MAP3K21: variants seen among roughly 807,000 people sequenced by gnomAD.
The protein encoded by MAP3K21 is mitogen-activated protein kinase kinase kinase 21.
Under a neutral mutation model 86.1 loss-of-function variants are expected in MAP3K21, and 63 were observed. The ratio of observed to expected loss-of-function variants is 0.73; its 90% CI spans 0.60 to 0.90. The LOEUF (loss-of-function observed/expected upper bound fraction) is 0.90, where lower values mean the gene tolerates loss of function less well. Ranked by LOEUF, MAP3K21 falls within the 40% of genes least tolerant of loss-of-function variation. MAP3K21 has a pLI of 0.00. For missense variants in MAP3K21, 1,220 were observed against 1,367.7 expected, an observed-to-expected ratio of 0.89 and a Z score of 1.70; for synonymous variants, 558 against 564.8, an observed-to-expected ratio of 0.99 and a Z score of 0.17.
chr1:233,348,864 C>G (rs1244791606), intron 2 of MAP3K21, among the ~76,000 whole-genome samples: 1 of 152,156 alleles, frequency 6.6e-6, no homozygotes, highest in African/African-American at 2.4e-5. Context: ...GCCTGGCTCT[C>G]AGATTCATGC....
intron 2 of MAP3K21, among the ~76,000 whole-genome samples, chr1:233,353,460 G>T (rs1417958654): frequency 6.6e-6 from 1 of 152,144 alleles, no homozygotes; most frequent in African/African-American, 2.4e-5. Context: ...AAATGAGATA[G>T]AAAGAGAAAC....
chr1:233,370,692 G>T (rs1449632841), intron 5 of MAP3K21, among the ~76,000 whole-genome samples: 1 of 152,164 alleles, frequency 6.6e-6, no homozygotes, highest in Non-Finnish European at 1.5e-5. Context: ...AATCGTTGAG[G>T]AATCAGGTAG....
Position 233,384,903 on chromosome 1 carries a change from A to T in MAP3K21, c.*2192A>T, listed in dbSNP as rs887177902. On this transcript the variant is annotated 3_prime_UTR_variant, in exon 10 of 10. Transcript: ENST00000366624. ...AGATAGTTAACTTTTGCTGCAATCT[A>T]TTGTACATTTGCAATTTTCTGTGTT... The T allele has an allele frequency of 2.0e-5, 3 of 152,184 alleles. No homozygotes were observed. Among genetic ancestry groups the T allele is most frequent in the Admixed American group, 1.3e-4 (2 of 15,272 alleles). The allele number at this position is 152,184 out of a possible 1,614,324, so 9.4% of individuals were successfully genotyped here.
chr1:233,367,217 G>A (rs574777099), intron 5 of MAP3K21, among the ~76,000 whole-genome samples: 2 of 152,324 alleles, frequency 1.3e-5, no homozygotes, highest in Admixed American at 6.5e-5. Flanking sequence ...TACCTCACAG[G>A]TATGCGAGTG....
At chr1:233,366,237 A>G (rs776657054) in intron 5 of MAP3K21, among the ~76,000 whole-genome samples, 2 of 152,166 alleles carry the variant, frequency 1.3e-5, no homozygotes, top group Non-Finnish European at 2.9e-5. Flanking sequence ...AATGGATACC[A>G]AAGTACAGCT....
chr1:233,339,258 C>T (rs866921103), intron 1 of MAP3K21, among the ~76,000 whole-genome samples: 1 of 47,292 alleles, frequency 2.1e-5, no homozygotes, highest in Non-Finnish European at 4.1e-5. Context: ...TCTTCTTCTT[C>T]TTCTTCTTCC....
intron 2 of MAP3K21, among the ~76,000 whole-genome samples, chr1:233,352,228 G>C (rs993002304): frequency 6.6e-6 from 1 of 152,088 alleles, no homozygotes; most frequent in African/African-American, 2.4e-5. Flanking sequence ...TATTTATGGG[G>C]TACATAGTGA....
intron 6 of MAP3K21, among the ~76,000 whole-genome samples, chr1:233,374,510 C>T (rs945469436): frequency 5.3e-5 from 8 of 152,150 alleles, no homozygotes; most frequent in Non-Finnish European, 8.8e-5. Context: ...TGTATATACA[C>T]ACATATATGT....
At chr1:233,342,757 A>T (rs374956819) in intron 1 of MAP3K21, among the ~76,000 whole-genome samples, 10 of 152,266 alleles carry the variant, frequency 6.6e-5, no homozygotes, top group African/African-American at 2.4e-4. Flanking sequence ...AGGTTATTTC[A>T]AATGGAAGTG....
intron 5 of MAP3K21, among the ~76,000 whole-genome samples, chr1:233,370,159 A>C (rs1255979945): frequency 6.6e-6 from 1 of 152,180 alleles, no homozygotes; most frequent in Non-Finnish European, 1.5e-5. Flanking sequence ...GAGAGAACAA[A>C]AGGAAAAAAA....
rs1449768458 is a variant in MAP3K21 at position 233,339,318 on chromosome 1, CTT to C, written c.806-7123_806-7122del. ...TCTTCTTCTTCCTCTTCTTCTTCCT[CTT>C]CTTCTTCTTCCTCTTCTTCTCCCTC... is the stretch of plus-strand genomic sequence containing the variant. On this transcript the variant is annotated intron_variant, in intron 1 of 9. Coordinates refer to ENST00000366624, the MANE Select transcript of MAP3K21 (RefSeq NM_032435.3). Among the ~76,000 whole-genome samples, 136 of 137,108 alleles carry C rather than the reference CTT, an allele frequency of 9.9e-4. 7 individuals carry two copies. Among genetic ancestry groups the C allele is most frequent in the Non-Finnish European group, 1.5e-3 (96 of 62,306 alleles). The allele number at this position is 137,108 out of a possible 152,430, so 89.9% of individuals were successfully genotyped here. A position where few individuals can be genotyped will look rare whatever the true frequency, so the allele number is the denominator to read the frequency against.
intron 4 of MAP3K21, among the ~76,000 whole-genome samples, chr1:233,361,216 TA>T (rs1663460210): frequency 6.6e-6 from 1 of 152,228 alleles, no homozygotes; most frequent in Non-Finnish European, 1.5e-5. Flanking sequence ...CTAATAGGAA[TA>T]AAAGTATTTT....
At chr1:233,374,324 C>T (rs1053778479) in intron 6 of MAP3K21, among the ~76,000 whole-genome samples, 7 of 152,036 alleles carry the variant, frequency 4.6e-5, no homozygotes, top group East Asian at 3.9e-4. Flanking sequence ...TACAGGTGCC[C>T]GCCACCACGC....
chr1:233,365,534 A>C (rs1663557149), intron 5 of MAP3K21, among the ~76,000 whole-genome samples: 1 of 152,268 alleles, frequency 6.6e-6, no homozygotes, highest in Non-Finnish European at 1.5e-5. Context: ...AATGCTTAGC[A>C]TCGCTAATCC....
intron 5 of MAP3K21, among the ~76,000 whole-genome samples, chr1:233,364,427 G>A (rs1353845191): frequency 1.3e-5 from 2 of 152,174 alleles, no homozygotes; most frequent in East Asian, 1.9e-4. Flanking sequence ...AATATTTATT[G>A]TTTCCCTTGG....
intron 5 of MAP3K21, among the ~76,000 whole-genome samples, chr1:233,371,315 C>A (rs1663673848): frequency 6.6e-6 from 1 of 152,134 alleles, no homozygotes; most frequent in Non-Finnish European, 1.5e-5. Flanking sequence ...TTATGAGAAC[C>A]AGGACTCATT....
chr1:233,355,524 ATGTGG>A (rs1248289317), intron 4 of MAP3K21, among the ~76,000 whole-genome samples: 1 of 152,152 alleles, frequency 6.6e-6, no homozygotes, highest in Non-Finnish European at 1.5e-5. Context: ...TCAGAGATGG[ATGTGG>A]TGTTTGTACC....
At chr1:233,359,109 G>A (rs1297001021) in intron 4 of MAP3K21, among the ~76,000 whole-genome samples, 7 of 152,122 alleles carry the variant, frequency 4.6e-5, no homozygotes, top group Non-Finnish European at 7.3e-5. Flanking sequence ...CACCAGGCCC[G>A]GCCTTATTTT....
intron 1 of MAP3K21, among the ~76,000 whole-genome samples, chr1:233,340,171 G>A (rs1025893028): frequency 3.0e-4 from 45 of 152,196 alleles, no homozygotes; most frequent in African/African-American, 1.0e-3. Context: ...AGGCAATGGG[G>A]AGATGTTGCT....
Sources: gnomAD v4.1 joint callset for allele counts (sites outside exome capture counted in the v4.1 genomes callset) on GRCh38, gnomAD v4.1.1 for gene constraint, MANE v1.5 for transcripts, NCBI Gene and HGNC (gene_info 2026-07-23, HGNC 2026-07-21) for gene names.